The following SGSM2 variants were observed in gnomAD, a reference collection of about 807,000 sequenced individuals.
SGSM2 encodes the protein small G protein signaling modulator 2.
SGSM2 carries 89 observed loss-of-function variants against 126.6 expected under a neutral mutation model. The ratio of observed to expected loss-of-function variants is 0.70; its 90% CI spans 0.59 to 0.84. The LOEUF is 0.84. Ranked by LOEUF, SGSM2 falls within the 40% of genes least tolerant of loss-of-function variation. SGSM2 has a pLI of 0.00. For missense variants in SGSM2, 1,404 were observed against 1,416.6 expected (o/e 0.99, Z 0.14); for synonymous variants, 614 against 574.3 (o/e 1.07, Z -0.99).
Position 2,363,696 on chromosome 17 carries a change from C to A in SGSM2, c.807+97C>A. 2.0e-6 allele frequency: 3 copies of A among 1,503,462 alleles called. No individual in the cohort carries two copies. Among genetic ancestry groups the A allele is most frequent in the Non-Finnish European group, 2.7e-6 (3 of 1,112,676 alleles). 93.1% of individuals were successfully genotyped at this position (1,503,462 alleles called of 1,614,324 possible). A position where few individuals can be genotyped will look rare whatever the true frequency, so the allele number is the denominator to read the frequency against. ...GCTATTCCTTTCCTGAGGAGCTTGA[C>A]CAGAGACGGGGGGGAGAATGGCCCC... On this transcript the variant is annotated intron_variant, in intron 7 of 23. Coordinates refer to ENST00000268989, the MANE Select transcript of SGSM2 (RefSeq NM_014853.3). The surrounding 1 kb of genome is among the most constrained non-coding windows in gnomAD (Gnocchi z 4.2).
At chr17:2,359,982 A>C (rs2065245014) in intron 2 of SGSM2, among the ~76,000 whole-genome samples, 1 of 152,192 alleles carries the variant, frequency 6.6e-6, no homozygotes. Context: ...TCCCAGGGCC[A>C]CACAAGACCT....
intron 2 of SGSM2, among the ~76,000 whole-genome samples, chr17:2,346,947 G>A (rs1012580661): frequency 6.6e-6 from 1 of 151,984 alleles, no homozygotes; most frequent in Non-Finnish European, 1.5e-5. Context: ...TAACTCGCTG[G>A]GCATGGTGGT....
Position 2,364,597 on chromosome 17 carries a change from G to A in SGSM2, c.934G>A (p.Val312Ile), listed in dbSNP as rs150468645. The change falls in exon 9 of 24, where the codon GTT becomes ATT. Residue 312 changes from valine (V) to isoleucine (I), a missense_variant and splice_region_variant. By Grantham distance (29) the Val-to-Ile change is conservative (BLOSUM62 3). Coordinates refer to ENST00000268989, the MANE Select transcript of SGSM2 (RefSeq NM_014853.3). The part of the protein sequence containing the change: ...TLGDSELEKS[V>I]YWDYALVVPF... ...GACAGCAGTCTGGTTCCTTTCTAGC[G>A]TTTACTGGGACTATGCCCTCGTGGT... 7.7e-5 allele frequency: 124 copies of A among 1,614,066 alleles called. No homozygotes were observed. Among genetic ancestry groups the A allele is most frequent in the African/African-American group, 5.3e-4 (40 of 74,946 alleles).
At position 2,361,680 on chromosome 17, in the gene SGSM2, C is replaced by T. The variant is rs200327325; in HGVS notation, c.177C>T (p.Ala59=). The T allele has an allele frequency of 1.4e-5, 23 of 1,614,014 alleles. No homozygotes were observed. The highest frequency in any genetic ancestry group is 1.2e-4 in the African/African-American group (9 of 75,048). The change falls in exon 3 of 24, where the codon GCC becomes GCT. Residue 59 remains alanine (A), a synonymous_variant. Coordinates refer to ENST00000268989, the MANE Select transcript of SGSM2 (RefSeq NM_014853.3). Reference sequence around the variant, plus strand: ...TCTTGCATCAGCTGAGACGCCGTGCCGCTGGCTTCCTGCGCAGTGACAAGA... The same window carrying T: ...TCTTGCATCAGCTGAGACGCCGTGCTGCTGGCTTCCTGCGCAGTGACAAGA... ...ACLLHQLRRR[A]AGFLRSDKMA... is the part of the protein sequence containing the mutation.
At position 2,365,197 on chromosome 17, in the gene SGSM2, C is replaced by T. The variant is rs370786742; in HGVS notation, c.1162-18C>T. On this transcript the variant is annotated intron_variant, in intron 10 of 23. Coordinates refer to ENST00000268989, the MANE Select transcript of SGSM2 (RefSeq NM_014853.3). ...ACTCTGCCCTATACAGCCCGACCAC[C>T]TACCCCTCCTTCCACAGGGGAAAGT... is the stretch of plus-strand genomic sequence containing the variant. 1.4e-5 allele frequency: 23 copies of T among 1,604,006 alleles called. No homozygotes were observed. In the South Asian group the frequency reaches 1.6e-4, roughly 11 times the overall value.
At chr17:2,368,254 G>C (rs1166159095) in intron 12 of SGSM2, among the ~76,000 whole-genome samples, 4 of 152,138 alleles carry the variant, frequency 2.6e-5, no homozygotes, top group African/African-American at 9.7e-5. Context: ...ATCTTTCCTA[G>C]CACAGAGCTG....
Position 2,373,364 on chromosome 17 carries a change from G to T in SGSM2, c.1951G>T (p.Val651Leu). ...DAVVAARYQQVLAEWKACEVV... is the reference protein window; with the variant it reads ...DAVVAARYQQLLAEWKACEVV... ...AGTGGTGGCAGCAAGGTACCAGCAGGTGTTGGCAGAGTGGAAGGCCTGCGA... is the reference window on the plus strand; with the variant it reads ...AGTGGTGGCAGCAAGGTACCAGCAGTTGTTGGCAGAGTGGAAGGCCTGCGA... The change falls in exon 17 of 24, where the codon GTG (valine) becomes TTG (leucine). Residue 651 changes from valine (V) to leucine (L), a missense_variant. Coordinates refer to ENST00000268989, the MANE Select transcript of SGSM2 (RefSeq NM_014853.3). 6.2e-7 allele frequency: 1 copy of T among 1,613,104 alleles called. No homozygotes were observed. Among genetic ancestry groups the T allele is most frequent in the Non-Finnish European group, 8.5e-7 (1 of 1,179,970 alleles).
At chr17:2,374,510 G>A (rs1453691591) in intron 17 of SGSM2, 1 of 152,200 alleles carries the variant, frequency 6.6e-6, no homozygotes, top group Non-Finnish European at 1.5e-5. Flanking sequence ...CATGGAGGTT[G>A]AGGCTGCAGT....
chr17:2,369,112 A>G (rs866382507), intron 12 of SGSM2, among the ~76,000 whole-genome samples: 2 of 152,212 alleles, frequency 1.3e-5, no homozygotes, highest in African/African-American at 4.8e-5. Context: ...GAGAGGAGGC[A>G]TAAGAGCAGA....
In SGSM2 at chr17:2,363,469, G is replaced by A. The variant is rs768701962; in HGVS notation, c.677G>A (p.Arg226Gln). ...GAGCCCCGGCCTTCCACACAGATCCGGAAACGGCACTCAAGCGGCAGCGCG... is the reference window on the plus strand; with the variant it reads ...GAGCCCCGGCCTTCCACACAGATCCAGAAACGGCACTCAAGCGGCAGCGCG... ...SPAKRPALGI[R>Q]KRHSSGSASE... Residue 226 changes from arginine (R) to glutamine (Q), a missense_variant, in exon 7 of 24, where the codon CGG becomes CAG. Physicochemically the swap from Arg to Gln is conservative, Grantham distance 43 (BLOSUM62 1). Coordinates refer to ENST00000268989, the MANE Select transcript of SGSM2 (RefSeq NM_014853.3). This position sits in a 1 kb window ranked among gnomAD's most constrained non-coding sequence, Gnocchi z 4.2. 15 of 1,613,138 alleles carry A rather than the reference G, an allele frequency of 9.3e-6. No individual in the cohort carries two copies. Among genetic ancestry groups the A allele is most frequent in the Middle Eastern group, 1.6e-4 (1 of 6,076 alleles).
At chr17:2,376,683 G>A (rs760521624) in intron 19 of SGSM2, 50 bp from the exon 20 acceptor site, 6 of 1,594,684 alleles carry the variant, frequency 3.8e-6, no homozygotes, top group Middle Eastern at 1.7e-4. Context: ...GGGATCCCGA[G>A]GGAGGGAAGA....
chr17:2,371,600 C>T (rs1032564851), intron 13 of SGSM2, 185 bp downstream of exon 13: 16 of 663,682 alleles, frequency 2.4e-5, no homozygotes, highest in Admixed American at 3.5e-5. Context: ...TGAGCCTCTA[C>T]GTTTCTGAAC....
intron 12 of SGSM2, 88 bp from the exon 13 acceptor site, chr17:2,371,174 A>G: frequency 7.2e-7 from 1 of 1,393,868 alleles, no homozygotes; most frequent in Non-Finnish European, 9.5e-7. Flanking sequence ...TTGATGCTGC[A>G]GCTCTGGGCA....
chr17:2,345,679 A>G (rs1158499150), intron 2 of SGSM2, among the ~76,000 whole-genome samples: 2 of 152,144 alleles, frequency 1.3e-5, no homozygotes, highest in Non-Finnish European at 2.9e-5. Context: ...GGGCCACACA[A>G]AAGACATCTG....
At position 2,361,914 on chromosome 17, in the gene SGSM2, C is replaced by T. The variant is rs1242198449; in HGVS notation, c.296+115C>T. On this transcript the variant is annotated intron_variant, in intron 3 of 23. Coordinates refer to ENST00000268989, the MANE Select transcript of SGSM2 (RefSeq NM_014853.3). ...ATCCTGGGCCTGTTCCTTGCAGGGC[C>T]TCTGGGTGAGGGATCAGCTTGAGGG... 5 of 1,388,966 alleles carry T rather than the reference C, an allele frequency of 3.6e-6. No individual in the cohort carries two copies. In the African/African-American group the frequency reaches 5.8e-5, roughly 16 times the overall value. 86.0% of individuals were successfully genotyped at this position (1,388,966 alleles called of 1,614,324 possible).
chr17:2,363,245 C>A lies in SGSM2; in HGVS notation c.672+111C>A. 2 of 1,389,176 alleles carry A rather than the reference C, an allele frequency of 1.4e-6. No homozygotes were observed. The highest frequency in any genetic ancestry group is 1.4e-5 in the South Asian group (1 of 71,188). 86.1% of individuals were successfully genotyped at this position (1,389,176 alleles called of 1,614,324 possible). A position where few individuals can be genotyped will look rare whatever the true frequency, so the allele number is the denominator to read the frequency against. ...AGGCCTTGGAGATGCCCCAAGGTAG[C>A]GGCTGCCTCAGAAGAGCCTTCTCCG... On this transcript the variant is annotated intron_variant, in intron 6 of 23. Transcript: ENST00000268989. This position sits in a 1 kb window ranked among gnomAD's most constrained non-coding sequence, Gnocchi z 4.2.
chr17:2,377,536 G>T, intron 21 of SGSM2: 1 of 238,506 alleles, frequency 4.2e-6, no homozygotes, highest in Admixed American at 5.1e-5. Context: ...GGAGGAGTGT[G>T]TGTGTGTGTG....
rs764664782 is a variant in SGSM2, at chr17:2,375,773, TCA to T, written c.2386_2387del (p.Thr796PhefsTer54). ...GCTCCAGTGGGCCCGGCCCTGCAGC[TCA>T]CACTTTGAGGGAGCCCCAGGATCCC... ...EGSSGPGPAA[H>X]TLREPQDPSQ... On this transcript the variant is annotated frameshift_variant, in exon 18 of 24. Transcript: ENST00000268989. LOFTEE classifies it high-confidence loss of function. The T allele has an allele frequency of 1.3e-6, 2 of 1,594,038 alleles. No homozygotes were observed. Among genetic ancestry groups the T allele is most frequent in the African/African-American group, 1.3e-5 (1 of 74,568 alleles).
chr17:2,347,409 A>AT (rs370675318), intron 2 of SGSM2, among the ~76,000 whole-genome samples: 6,026 of 131,280 alleles, frequency 0.046, 182 homozygotes, highest in East Asian at 0.15. Flanking sequence ...ACCCGGCCTC[A>AT]TTTTTTTTTT....
Sources: gnomAD v4.1 joint callset for allele counts (sites outside exome capture counted in the v4.1 genomes callset) on GRCh38, gnomAD v4.1.1 for gene constraint, Gnocchi (gnomAD v3.1) non-coding constraint, MANE v1.5 for transcripts, NCBI Gene and HGNC (gene_info 2026-07-23, HGNC 2026-07-21) for gene names.